Variants in NR2F1-AS1 observed in about 807,000 individuals in gnomAD.
NR2F1-AS1 encodes NR2F1 regulatory antisense RNA 1, also known as NR2F1 antisense RNA 1.
intron 4 of NR2F1-AS1, among the ~76,000 whole-genome samples, chr5:93,435,084 T>C (rs867845036): frequency 6.6e-6 from 1 of 152,200 alleles, no homozygotes; most frequent in Non-Finnish European, 1.5e-5. Context: ...ATCTTGTAAA[T>C]ATGCTGGTCC....
At chr5:93,523,318 G>C (rs1417718604) in intron 4 of NR2F1-AS1, among the ~76,000 whole-genome samples, 1 of 152,144 alleles carries the variant, frequency 6.6e-6, no homozygotes, top group Admixed American at 6.5e-5. Context: ...CTCTGGGCAG[G>C]GCATCTCTGA....
chr5:93,552,341 C>T (rs1037603750), intron 4 of NR2F1-AS1, among the ~76,000 whole-genome samples: 6 of 152,070 alleles, frequency 3.9e-5, no homozygotes, highest in Middle Eastern at 6.8e-3. Context: ...ATGGTAAGAA[C>T]GAGAATATGA....
chr5:93,517,629 A>C (rs1054776564), intron 4 of NR2F1-AS1, among the ~76,000 whole-genome samples: 4 of 152,054 alleles, frequency 2.6e-5, no homozygotes, highest in Non-Finnish European at 5.9e-5. Flanking sequence ...TAGAAAGGGA[A>C]GCAAATTTTA....
At chr5:93,522,179 GAAC>G (rs1483564781) in intron 4 of NR2F1-AS1, among the ~76,000 whole-genome samples, 1 of 152,094 alleles carries the variant, frequency 6.6e-6, no homozygotes, top group Non-Finnish European at 1.5e-5. Flanking sequence ...ACAAAGAAGG[GAAC>G]AATAGACACT....
chr5:93,518,359 G>A (rs72786617), intron 4 of NR2F1-AS1, among the ~76,000 whole-genome samples: 12 of 152,128 alleles, frequency 7.9e-5, no homozygotes, highest in Non-Finnish European at 1.5e-4. Flanking sequence ...TAGTGTATTG[G>A]ATTACTACAA....
At chr5:93,470,593 C>T (rs190558991) in intron 4 of NR2F1-AS1, among the ~76,000 whole-genome samples, 294 of 151,748 alleles carry the variant, frequency 1.9e-3, no homozygotes, top group Admixed American at 4.9e-3. Flanking sequence ...ACCTTTAAAA[C>T]GGTATTTATG....
chr5:93,433,352 A>G (rs1244405794), intron 4 of NR2F1-AS1, among the ~76,000 whole-genome samples: 1 of 152,152 alleles, frequency 6.6e-6, no homozygotes, highest in Admixed American at 6.5e-5. Flanking sequence ...GTAGTTCCAC[A>G]TTGTTTTCTA....
At chr5:93,585,000 C>G (rs751463741), upstream of NR2F1-AS1, 21 of 993,218 alleles carry the variant, frequency 2.1e-5, no homozygotes, top group African/African-American at 1.2e-4. Context: ...TCGGCTCCCC[C>G]CAGCGCTCCC....
chr5:93,582,262 G>A (rs560196207), upstream of NR2F1-AS1, among the ~76,000 whole-genome samples: 23 of 142,330 alleles, frequency 1.6e-4, no homozygotes, highest in Admixed American at 1.3e-3. Flanking sequence ...GTTTGGAACA[G>A]CCAGGTGATA....
chr5:93,502,991 A>G (rs1271790539), intron 4 of NR2F1-AS1, among the ~76,000 whole-genome samples: 1 of 152,196 alleles, frequency 6.6e-6, no homozygotes, highest in Non-Finnish European at 1.5e-5. Context: ...TTGTTTACCT[A>G]TGGGAAAGGA....
chr5:93,463,943 A>G (rs1023189665), intron 4 of NR2F1-AS1, among the ~76,000 whole-genome samples: 1 of 152,192 alleles, frequency 6.6e-6, no homozygotes, highest in African/African-American at 2.4e-5. Context: ...GAGACTTTAA[A>G]TGGTGGACTT....
chr5:93,545,351 C>A (rs1020549288), intron 4 of NR2F1-AS1, among the ~76,000 whole-genome samples: 14 of 152,170 alleles, frequency 9.2e-5, no homozygotes, highest in African/African-American at 2.9e-4. Context: ...TACCCCCAGT[C>A]CCCCACAATC....
chr5:93,545,662 T>G (rs1265681278), intron 4 of NR2F1-AS1, among the ~76,000 whole-genome samples: 1 of 152,248 alleles, frequency 6.6e-6, no homozygotes, highest in Admixed American at 6.5e-5. Flanking sequence ...TGCATTTCTT[T>G]AAACATTAGT....
intron 4 of NR2F1-AS1, among the ~76,000 whole-genome samples, chr5:93,482,306 C>T (rs1033116639): frequency 6.6e-6 from 1 of 152,028 alleles, no homozygotes; most frequent in Non-Finnish European, 1.5e-5. Context: ...GAGGATGAGC[C>T]GAAGCAGGTG....
At chr5:93,499,346 C>T (rs1751029768) in intron 4 of NR2F1-AS1, among the ~76,000 whole-genome samples, 2 of 152,112 alleles carry the variant, frequency 1.3e-5, no homozygotes, top group East Asian at 1.9e-4. Context: ...AACCCTGCAT[C>T]GATCAAGTCT....
In NR2F1-AS1 at chr5:93,554,027, T is replaced by C. The variant is rs1752293149; in HGVS notation, n.536-164A>G. ...TATGATTCTTTCATTAAAAATGATA[T>C]ATGTAGTTACTCTGATCAATTCATT... On this transcript the variant is annotated intron_variant and non_coding_transcript_variant, in intron 3 of 5. Transcript: ENST00000660523. Among the ~76,000 whole-genome samples the C allele has an allele frequency of 3.9e-5, 6 of 152,216 alleles. No individual in the cohort carries two copies. In the South Asian group the frequency reaches 1.0e-3, roughly 26 times the overall value.
chr5:93,561,465 A>T (rs534624525), intron 2 of NR2F1-AS1, among the ~76,000 whole-genome samples: 1 of 151,228 alleles, frequency 6.6e-6, no homozygotes, highest in African/African-American at 2.4e-5. Flanking sequence ...AAACATAGGT[A>T]TTTTTTTTTA....
At chr5:93,538,301 C>T (rs553610121) in intron 4 of NR2F1-AS1, among the ~76,000 whole-genome samples, 68 of 152,108 alleles carry the variant, frequency 4.5e-4, no homozygotes, top group Middle Eastern at 3.4e-3. Flanking sequence ...AGTAAAACTC[C>T]ATCTCTACTA....
At chr5:93,492,282 C>T (rs189929505) in intron 4 of NR2F1-AS1, among the ~76,000 whole-genome samples, 1 of 152,044 alleles carries the variant, frequency 6.6e-6, no homozygotes, top group Non-Finnish European at 1.5e-5. Flanking sequence ...AAGAAAAAAC[C>T]TTAACAGACA....
Sources: allele counts gnomAD v4.1 joint callset (sites outside exome capture counted in the v4.1 genomes callset), GRCh38; gene constraint gnomAD v4.1.1; transcripts MANE v1.5; gene names NCBI Gene and HGNC (gene_info 2026-07-23, HGNC 2026-07-21).